Variants in HCRTR2 observed in about 807,000 individuals in gnomAD.
The protein encoded by HCRTR2 is orexin receptor type 2.
Under a neutral mutation model 49.0 loss-of-function variants are expected in HCRTR2, and 22 were observed. That is an observed-to-expected ratio of 0.45 (90% CI 0.32 to 0.64). The LOEUF is 0.64. HCRTR2 is among the 30% of genes least tolerant of loss of function. The pLI is 0.04. For synonymous variants in HCRTR2, 236 were observed against 205.3 expected, an observed-to-expected ratio of 1.15 and a Z score of -1.28; for missense variants, 491 against 559.4, an observed-to-expected ratio of 0.88 and a Z score of 1.23.
chr6:55,199,744 C>T (rs1479789414), intron 1 of HCRTR2, among the ~76,000 whole-genome samples: 1 of 151,404 alleles, frequency 6.6e-6, no homozygotes, highest in East Asian at 1.9e-4. Flanking sequence ...TTAAAGCTGG[C>T]GAAAAAGGCT....
intron 1 of HCRTR2, among the ~76,000 whole-genome samples, chr6:55,219,849 A>G (rs1467503184): frequency 6.6e-6 from 1 of 152,010 alleles, no homozygotes; most frequent in Non-Finnish European, 1.5e-5. Flanking sequence ...ATAATATTGT[A>G]AATAAAAAAG....
intron 1 of HCRTR2, among the ~76,000 whole-genome samples, chr6:55,121,156 G>T (rs571492392): frequency 6.6e-6 from 1 of 151,798 alleles, no homozygotes; most frequent in East Asian, 1.9e-4. Context: ...TTCGTTGAGC[G>T]TGGTTTGTAG....
chr6:55,268,468 C>T (rs1439030595), intron 4 of HCRTR2, among the ~76,000 whole-genome samples: 2 of 151,898 alleles, frequency 1.3e-5, no homozygotes, highest in African/African-American at 4.8e-5. Flanking sequence ...TTTATGCTGT[C>T]TACAAGAGAC....
intron 4 of HCRTR2, among the ~76,000 whole-genome samples, chr6:55,269,087 C>CAA (rs1158724252): frequency 0.011 from 619 of 55,664 alleles, 9 homozygotes; most frequent in African/African-American, 0.028. Context: ...GACTCCGTCT[C>CAA]AAAAAAAAAA....
At chr6:55,120,828 G>T (rs923663586) in intron 1 of HCRTR2, among the ~76,000 whole-genome samples, 10 of 151,344 alleles carry the variant, frequency 6.6e-5, no homozygotes, top group African/African-American at 2.2e-4. Flanking sequence ...TGTTCCATTG[G>T]TCTGTATCTC....
intron 1 of HCRTR2, among the ~76,000 whole-genome samples, chr6:55,116,354 T>A (rs1764115585): frequency 6.6e-6 from 1 of 151,750 alleles, no homozygotes; most frequent in South Asian, 2.1e-4. Flanking sequence ...AATACTTCGA[T>A]GTATTTAGAT....
At chr6:55,142,713 G>A (rs1764524759) in intron 1 of HCRTR2, among the ~76,000 whole-genome samples, 1 of 151,268 alleles carries the variant, frequency 6.6e-6, no homozygotes, top group Non-Finnish European at 1.5e-5. Context: ...AATTAAAGAG[G>A]TAGCACAGAT....
chr6:55,118,332 G>A (rs1250734811), intron 1 of HCRTR2, among the ~76,000 whole-genome samples: 1 of 151,854 alleles, frequency 6.6e-6, no homozygotes, highest in Non-Finnish European at 1.5e-5. Context: ...CCATGTCTTT[G>A]CTATTGTGAA....
At chr6:55,120,486 G>C (rs893518378) in intron 1 of HCRTR2, among the ~76,000 whole-genome samples, 1 of 151,812 alleles carries the variant, frequency 6.6e-6, no homozygotes, top group Non-Finnish European at 1.5e-5. Flanking sequence ...CTTGTAATTT[G>C]TATTCTTGGG....
chr6:55,261,880 A>G (rs1693545984), intron 3 of HCRTR2, among the ~76,000 whole-genome samples: 1 of 152,170 alleles, frequency 6.6e-6, no homozygotes. Flanking sequence ...ACCAGCCCAA[A>G]TGCCCATCAA....
At chr6:55,126,080 G>A (rs780888094) in intron 1 of HCRTR2, among the ~76,000 whole-genome samples, 1 of 152,040 alleles carries the variant, frequency 6.6e-6, no homozygotes, top group Non-Finnish European at 1.5e-5. Context: ...TAGCTTAGAG[G>A]AGTTTGTTAT....
chr6:55,232,072 T>C (rs976064100), intron 1 of HCRTR2, among the ~76,000 whole-genome samples: 2 of 152,156 alleles, frequency 1.3e-5, no homozygotes, highest in African/African-American at 2.4e-5. Flanking sequence ...CTTTTTTTAA[T>C]TTCAGAACTC....
chr6:55,212,568 C>T (rs777032282), intron 1 of HCRTR2, among the ~76,000 whole-genome samples: 1 of 152,210 alleles, frequency 6.6e-6, no homozygotes, highest in East Asian at 1.9e-4. Flanking sequence ...GGCCTCTTTC[C>T]CTCTTCCTGG....
chr6:55,195,316 T>G (rs1475369175), intron 1 of HCRTR2, among the ~76,000 whole-genome samples: 1 of 152,166 alleles, frequency 6.6e-6, no homozygotes, highest in Non-Finnish European at 1.5e-5. Flanking sequence ...AGTTTTAAAA[T>G]GTATTTAGAT....
chr6:55,233,289 C>T (rs989213797), intron 1 of HCRTR2, among the ~76,000 whole-genome samples: 1 of 152,018 alleles, frequency 6.6e-6, no homozygotes, highest in African/African-American at 2.4e-5. Context: ...TGGGGTTTTA[C>T]CATGTTGGCC....
chr6:55,136,167 T>C (rs1186860708), intron 1 of HCRTR2, among the ~76,000 whole-genome samples: 1 of 152,112 alleles, frequency 6.6e-6, no homozygotes, highest in East Asian at 1.9e-4. Flanking sequence ...TATTCCACAT[T>C]GTGCTGAAAA....
intron 1 of HCRTR2, among the ~76,000 whole-genome samples, chr6:55,224,812 C>T (rs113842613): frequency 2.0e-5 from 3 of 152,008 alleles, no homozygotes; most frequent in African/African-American, 7.3e-5. Flanking sequence ...AAGTTGACTT[C>T]ATGGAAATAT....
intron 1 of HCRTR2, 77 bp downstream of exon 1, chr6:55,174,887 C>T (rs1351369787): frequency 6.4e-6 from 7 of 1,085,780 alleles, no homozygotes; most frequent in Non-Finnish European, 1.0e-5. Context: ...TCTAAAGAGA[C>T]CCCTCCCTCC....
intron 1 of HCRTR2, among the ~76,000 whole-genome samples, chr6:55,155,445 A>G (rs939233414): frequency 1.3e-5 from 2 of 152,018 alleles, no homozygotes; most frequent in African/African-American, 4.8e-5. Flanking sequence ...TATTTGCACA[A>G]AAAGCCAACG....
Sources: gnomAD v4.1 joint callset for allele counts (sites outside exome capture counted in the v4.1 genomes callset) on GRCh38, gnomAD v4.1.1 for gene constraint, MANE v1.5 for transcripts, NCBI Gene and HGNC (gene_info 2026-07-23, HGNC 2026-07-21) for gene names.